Variants in CDH18 observed in about 807,000 individuals in gnomAD.
The protein encoded by CDH18 is cadherin-18.
A neutral mutation model predicts 67.9 loss-of-function variants in CDH18; 31 were observed. That is an observed-to-expected ratio of 0.46 (90% confidence interval 0.34 to 0.62). The LOEUF (loss-of-function observed/expected upper bound fraction) is 0.62. CDH18 is among the 20% of genes least tolerant of loss of function. CDH18 has a pLI of 0.01. For synonymous variants in CDH18, 362 were observed against 347.2 expected, an observed-to-expected ratio of 1.04 and a Z score of -0.48; for missense variants, 890 against 975.5, an observed-to-expected ratio of 0.91 and a Z score of 1.17.
chr5:19,489,249 TC>T (rs371183383), intron 11 of CDH18, among the ~76,000 whole-genome samples: 1 of 146,762 alleles, frequency 6.8e-6, no homozygotes, highest in Non-Finnish European at 1.5e-5. Flanking sequence ...CTTTTTTTTT[TC>T]TTTTTTTTTT....
intron 1 of CDH18, among the ~76,000 whole-genome samples, chr5:20,516,022 T>C (rs1230303040): frequency 6.6e-6 from 1 of 152,042 alleles, no homozygotes; most frequent in Non-Finnish European, 1.5e-5. Flanking sequence ...AGGCCTTTAA[T>C]GTAATGGGCT....
At chr5:20,304,166 A>G in intron 1 of CDH18, 6 of 1,539,932 alleles carry the variant, frequency 3.9e-6, no homozygotes, top group African/African-American at 1.4e-5. Context: ...TGGATTTGGA[A>G]CACAGACAAT....
intron 9 of CDH18, among the ~76,000 whole-genome samples, chr5:19,533,032 T>A (rs2126996747): frequency 6.6e-6 from 1 of 152,248 alleles, no homozygotes; most frequent in Admixed American, 6.5e-5. Context: ...AAAATAACAT[T>A]GCAGCTGCAG....
chr5:20,020,211 T>G (rs1190029714), intron 2 of CDH18, among the ~76,000 whole-genome samples: 2 of 152,150 alleles, frequency 1.3e-5, no homozygotes, highest in African/African-American at 4.8e-5. Context: ...TAATCTTAAC[T>G]TGGAACTTGA....
At chr5:20,286,967 G>C (rs1382994897) in intron 1 of CDH18, among the ~76,000 whole-genome samples, 2 of 151,684 alleles carry the variant, frequency 1.3e-5, no homozygotes, top group Admixed American at 1.3e-4. Context: ...TAGTTGTTTT[G>C]AGTACCTTTT....
chr5:20,229,232 T>C (rs1183923839), intron 2 of CDH18, among the ~76,000 whole-genome samples: 1 of 152,108 alleles, frequency 6.6e-6, no homozygotes, highest in Non-Finnish European at 1.5e-5. Context: ...TTATATGTTG[T>C]TTACTGAAGT....
chr5:20,310,056 C>T (rs988411908), intron 1 of CDH18, among the ~76,000 whole-genome samples: 1 of 151,776 alleles, frequency 6.6e-6, no homozygotes, highest in Non-Finnish European at 1.5e-5. Context: ...GTTCTGAAGC[C>T]AAAAAAACCT....
rs577537110 is a variant in CDH18, at chr5:20,523,880, A to C, written c.-580+51582T>G. ...TTGAATATTCACATACTTTCAAAAA[A>C]GTGCATTTGCATTTGTACATGAGAA... On this transcript the variant is annotated intron_variant, in intron 1 of 14. Transcript: ENST00000507958. Among the ~76,000 whole-genome samples the C allele has an allele frequency of 7.9e-5, 12 of 152,310 alleles. No homozygotes were observed. In the South Asian group the frequency reaches 1.0e-3, roughly 13 times the overall value.
chr5:20,359,625 T>G (rs1220424404), intron 1 of CDH18, among the ~76,000 whole-genome samples: 1 of 152,208 alleles, frequency 6.6e-6, no homozygotes, highest in Non-Finnish European at 1.5e-5. Flanking sequence ...CTTAGTGAAC[T>G]AAGCTCAGCC....
chr5:19,657,249 G>A, intron 5 of CDH18, among the ~76,000 whole-genome samples: 1 of 151,976 alleles, frequency 6.6e-6, no homozygotes, highest in East Asian at 1.9e-4. Flanking sequence ...ATAGAACAAA[G>A]AAGAATAAAA....
intron 6 of CDH18, among the ~76,000 whole-genome samples, chr5:19,598,516 A>G (rs543611325): frequency 2.2e-4 from 34 of 152,276 alleles, no homozygotes; most frequent in South Asian, 1.0e-3. Flanking sequence ...GGACATAGGA[A>G]ACTGAATGAA....
At chr5:20,186,963 TA>T (rs1207731150) in intron 2 of CDH18, among the ~76,000 whole-genome samples, 3 of 151,864 alleles carry the variant, frequency 2.0e-5, no homozygotes, top group African/African-American at 7.2e-5. Context: ...TACCCAGCCT[TA>T]AAAAGTAAGG....
intron 2 of CDH18, among the ~76,000 whole-genome samples, chr5:20,230,450 G>T (rs951534357): frequency 7.2e-5 from 11 of 152,070 alleles, no homozygotes; most frequent in Admixed American, 2.0e-4. Flanking sequence ...CAGAAAAACT[G>T]AGCTTCCTAA....
intron 3 of CDH18, among the ~76,000 whole-genome samples, chr5:19,818,491 G>T (rs1444028367): frequency 2.3e-5 from 3 of 128,452 alleles, no homozygotes; most frequent in African/African-American, 9.0e-5. Flanking sequence ...CGAACAAATT[G>T]TTTTAAAATT....
At chr5:20,282,047 T>C (rs1160400832) in intron 1 of CDH18, among the ~76,000 whole-genome samples, 3 of 152,140 alleles carry the variant, frequency 2.0e-5, no homozygotes, top group Non-Finnish European at 4.4e-5. Context: ...TACTTGTGAT[T>C]TTTGCACATT....
chr5:20,562,403 T>C (rs7708174), intron 1 of CDH18, among the ~76,000 whole-genome samples: 37,582 of 151,408 alleles, frequency 0.25, 5,465 homozygotes, highest in African/African-American at 0.4. Context: ...GGCAACCTTA[T>C]GTACCTATGT....
At chr5:20,004,051 T>C (rs1460459429) in intron 2 of CDH18, among the ~76,000 whole-genome samples, 1 of 152,354 alleles carries the variant, frequency 6.6e-6, no homozygotes, top group East Asian at 1.9e-4. Context: ...GTTACAGTGA[T>C]ACGTGTGCTC....
intron 3 of CDH18, among the ~76,000 whole-genome samples, chr5:19,749,803 T>C (rs1310709874): frequency 6.6e-6 from 1 of 150,632 alleles, no homozygotes; most frequent in Non-Finnish European, 1.5e-5. Flanking sequence ...AACATTATTA[T>C]AATTCATATA....
chr5:20,046,823 G>A (rs1283534987), intron 2 of CDH18, among the ~76,000 whole-genome samples: 1 of 151,644 alleles, frequency 6.6e-6, no homozygotes, highest in East Asian at 1.9e-4. Flanking sequence ...TTTGGGGAAA[G>A]AAAACATTGT....
Sources: allele counts gnomAD v4.1 joint callset (sites outside exome capture counted in the v4.1 genomes callset), GRCh38; gene constraint gnomAD v4.1.1; transcripts MANE v1.5; gene names NCBI Gene and HGNC (gene_info 2026-07-23, HGNC 2026-07-21).